The following CDH12 variants were observed in gnomAD, a reference collection of about 807,000 sequenced individuals.
The protein encoded by CDH12 is cadherin 12, also known as cadherin-12.
A neutral mutation model predicts 74.1 loss-of-function variants in CDH12; 41 were observed. The ratio of observed to expected loss-of-function variants is 0.55; its 90% CI spans 0.43 to 0.72. The LOEUF is 0.72. CDH12 is among the 30% of genes least tolerant of loss of function. The pLI is 0.00. For synonymous variants in CDH12, 399 were observed against 355.0 expected, an observed-to-expected ratio of 1.12 and a Z score of -1.39; for missense variants, 945 against 977.2, an observed-to-expected ratio of 0.97 and a Z score of 0.44.
chr5:22,611,884 G>A (rs563115481), intron 1 of CDH12, among the ~76,000 whole-genome samples: 1 of 152,042 alleles, frequency 6.6e-6, no homozygotes, highest in East Asian at 1.9e-4. Flanking sequence ...GCCTTTGTTT[G>A]GATTCTCATC....
At chr5:22,354,769 G>A (rs909413891) in intron 3 of CDH12, among the ~76,000 whole-genome samples, 1 of 152,080 alleles carries the variant, frequency 6.6e-6, no homozygotes, top group Non-Finnish European at 1.5e-5. Context: ...CTTATTAAAG[G>A]TATTTCAAAC....
In CDH12 at chr5:22,505,379, A is replaced by G. The variant is rs1049439043; in HGVS notation, c.-522-15T>C. 6 of 830,338 alleles carry G rather than the reference A, an allele frequency of 7.2e-6. No individual in the cohort carries two copies. In the African/African-American group the frequency reaches 9.2e-5, roughly 13 times the overall value. 51.4% of individuals were successfully genotyped at this position (830,338 alleles called of 1,614,324 possible). ...AGGTAACAAAGCTGGAAAGACAAAC[A>G]TATACAGTCAGAATGTTAACTATCT... On this transcript the variant is annotated splice_polypyrimidine_tract_variant and intron_variant, in intron 1 of 14. Transcript: ENST00000382254.
At chr5:22,099,657 G>A (rs9686397) in intron 4 of CDH12, among the ~76,000 whole-genome samples, 85,978 of 151,904 alleles carry the variant, frequency 0.57, 24,950 homozygotes, top group African/African-American at 0.69. Context: ...TTACACTGCC[G>A]GTTTACACTG....
intron 5 of CDH12, among the ~76,000 whole-genome samples, chr5:22,012,417 G>C (rs1449311111): frequency 6.6e-6 from 1 of 152,038 alleles, no homozygotes; most frequent in African/African-American, 2.4e-5. Context: ...AATTCCAGTT[G>C]AGTTAAGAAA....
At chr5:21,969,564 A>C (rs947252152) in intron 6 of CDH12, among the ~76,000 whole-genome samples, 18 of 151,816 alleles carry the variant, frequency 1.2e-4, no homozygotes, top group Non-Finnish European at 2.4e-4. Flanking sequence ...CCACGTAGCA[A>C]AGAACATATG....
At chr5:22,569,983 C>A (rs544129320) in intron 1 of CDH12, among the ~76,000 whole-genome samples, 21 of 152,256 alleles carry the variant, frequency 1.4e-4, no homozygotes, top group African/African-American at 5.1e-4. Flanking sequence ...TGAGATCCAT[C>A]ATAGGGATTA....
At chr5:22,405,528 C>T (rs1742906561) in intron 2 of CDH12, among the ~76,000 whole-genome samples, 177 bp from the exon 3 acceptor site, 1 of 151,960 alleles carries the variant, frequency 6.6e-6, no homozygotes, top group Non-Finnish European at 1.5e-5. Flanking sequence ...TCTATCAGGC[C>T]AAAGATAGTA....
At chr5:22,562,043 C>A (rs900999274) in intron 1 of CDH12, among the ~76,000 whole-genome samples, 1 of 152,104 alleles carries the variant, frequency 6.6e-6, no homozygotes, top group Admixed American at 6.5e-5. Flanking sequence ...AGAGGCCGGG[C>A]GCGGTGGCTC....
At chr5:22,460,938 C>A (rs933474904) in intron 2 of CDH12, among the ~76,000 whole-genome samples, 35 of 149,388 alleles carry the variant, frequency 2.3e-4, no homozygotes, top group African/African-American at 8.1e-4. Context: ...TCAGCCTGGT[C>A]TCAAATTCCT....
intron 4 of CDH12, among the ~76,000 whole-genome samples, chr5:22,111,986 A>T (rs1041824996): frequency 6.6e-6 from 1 of 152,144 alleles, no homozygotes; most frequent in East Asian, 1.9e-4. Context: ...ATTATTTGAA[A>T]ATCTTCTTCA....
At chr5:22,018,253 A>C (rs1003811265) in intron 5 of CDH12, among the ~76,000 whole-genome samples, 1 of 152,188 alleles carries the variant, frequency 6.6e-6, no homozygotes, top group Non-Finnish European at 1.5e-5. Context: ...ATAAAGACTT[A>C]TGAGTGCTAA....
chr5:22,044,575 A>G (rs541948840), intron 5 of CDH12, among the ~76,000 whole-genome samples: 12 of 152,294 alleles, frequency 7.9e-5, no homozygotes, highest in Admixed American at 5.9e-4. Flanking sequence ...ACATGTGGGG[A>G]TTACAATTTG....
At chr5:22,446,825 T>G (rs1003335349) in intron 2 of CDH12, among the ~76,000 whole-genome samples, 17 of 152,156 alleles carry the variant, frequency 1.1e-4, no homozygotes, top group Non-Finnish European at 1.5e-4. Context: ...TTTCAAATTG[T>G]AAACATTAAA....
intron 2 of CDH12, among the ~76,000 whole-genome samples, chr5:22,452,266 A>G (rs1745073990): frequency 6.6e-6 from 1 of 152,016 alleles, no homozygotes; most frequent in African/African-American, 2.4e-5. Context: ...GAACCAAAAC[A>G]ACCTTGAGAA....
At chr5:22,342,762 C>T (rs1739925645) in intron 3 of CDH12, among the ~76,000 whole-genome samples, 1 of 143,946 alleles carries the variant, frequency 6.9e-6, no homozygotes. Flanking sequence ...CCCTCCCTTC[C>T]TCCCTTCCTC....
intron 3 of CDH12, among the ~76,000 whole-genome samples, chr5:22,400,928 C>A (rs114344174): frequency 3.6e-4 from 54 of 152,098 alleles, no homozygotes; most frequent in African/African-American, 1.3e-3. Flanking sequence ...ATGTAGGCTA[C>A]GTAAGATGAT....
At chr5:22,510,654 C>A (rs1430675921) in intron 1 of CDH12, among the ~76,000 whole-genome samples, 2 of 152,052 alleles carry the variant, frequency 1.3e-5, no homozygotes, top group Non-Finnish European at 2.9e-5. Flanking sequence ...CTCCTGTATT[C>A]TTTAAATCAT....
chr5:22,185,863 G>A lies in CDH12; in HGVS notation c.-187+26635C>T, dbSNP rs117246770. ...ACTCTTTCTTTGTGTATGCTAAGGC[G>A]TATGAAAGGAAGAAAATCCTCTGTG... is the stretch of plus-strand genomic sequence containing the variant. On this transcript the variant is annotated intron_variant, in intron 4 of 14. Transcript: ENST00000382254. Among the ~76,000 whole-genome samples, 160 of 152,266 alleles carry A rather than the reference G, an allele frequency of 1.1e-3. 1 individual carries two copies. In the East Asian group the frequency reaches 0.023, roughly 22 times the overall value.
Position 21,854,720 on chromosome 5 carries a change from A to G in CDH12, c.597T>C (p.Val199=). 9.4e-7 allele frequency: 1 copy of G among 1,065,920 alleles called. No homozygotes were observed. The highest frequency in any genetic ancestry group is 1.4e-6 in the Non-Finnish European group (1 of 724,192). 66.0% of individuals were successfully genotyped at this position (1,065,920 alleles called of 1,614,324 possible). Residue 199 remains valine, a synonymous_variant, in exon 7 of 15, where the codon GTT becomes GTC. Coordinates refer to ENST00000382254, the MANE Select transcript of CDH12 (RefSeq NM_004061.5). The part of the protein sequence containing the change: ...DPTYGNSARV[V]YSILQGQPYF... ...AAGGTTGTCCCTGAAGAATGCTGTA[A>G]ACGACTCTGGCACTGTTTCCATAGG...
Sources: gnomAD v4.1 joint callset for allele counts (sites outside exome capture counted in the v4.1 genomes callset) on GRCh38, gnomAD v4.1.1 for gene constraint, MANE v1.5 for transcripts, NCBI Gene and HGNC (gene_info 2026-07-23, HGNC 2026-07-21) for gene names.